The following LRCH1 variants were observed in gnomAD, a reference collection of about 807,000 sequenced individuals.
The protein encoded by LRCH1 is leucine rich repeats and calponin homology domain containing 1.
In LRCH1, 23 loss-of-function variants were observed where a neutral mutation model predicts 94.9. The observed-to-expected ratio is 0.24, with a 90% CI of 0.17 to 0.34. The LOEUF (loss-of-function observed/expected upper bound fraction) is 0.34, where lower values mean the gene tolerates loss of function less well. Among genes scored for constraint, LRCH1 ranks in the 10% least tolerant of loss-of-function variants. LRCH1 has a pLI of 1.00. For synonymous variants in LRCH1, 364 were observed against 354.9 expected (o/e 1.03, Z -0.29); for missense variants, 790 against 945.9 (o/e 0.84, Z 2.16).
chr13:46,600,005 C>T (rs1302235750), intron 1 of LRCH1, among the ~76,000 whole-genome samples: 1 of 152,228 alleles, frequency 6.6e-6, no homozygotes, highest in African/African-American at 2.4e-5. Flanking sequence ...TTAAAAATAG[C>T]TTACTTAAAA....
Position 46,604,047 on chromosome 13 carries a change from G to C in LRCH1, c.308-46154G>C, listed in dbSNP as rs527740540. Among the ~76,000 whole-genome samples, 6 of 152,318 alleles carry C rather than the reference G, an allele frequency of 3.9e-5. No homozygotes were observed. The South Asian group carries it at 1.2e-3, about 32-fold the overall frequency. On this transcript the variant is annotated intron_variant, in intron 1 of 19. Transcript: ENST00000389797. ...ATTTTTCTCCTTGTATTATAGAATA[G>C]TTTGGAGGAGTATTGAAAGAATTAG...
rs1310641873 is a variant in LRCH1, at chr13:46,711,862, T to G, written c.1581+18T>G. On this transcript the variant is annotated intron_variant, in intron 14 of 19. Transcript: ENST00000389797. The stretch of plus-strand genomic sequence containing the variant: ...CAAATGAGGTAAGTTTCTTGAAGAT[T>G]AATGGAAGGTGAGGTGTTTCTTGAT... 6.3e-7 allele frequency: 1 copy of G among 1,598,106 alleles called. No individual in the cohort carries two copies. The highest frequency in any genetic ancestry group is 1.1e-5 in the South Asian group (1 of 90,642).
At chr13:46,677,049 G>A (rs9590976) in intron 3 of LRCH1, among the ~76,000 whole-genome samples, 25,190 of 151,968 alleles carry the variant, frequency 0.17, 2,216 homozygotes, top group East Asian at 0.27. Context: ...CAAAGTGCTG[G>A]GAATATAGGC....
chr13:46,694,492 T>A (rs1871071659), intron 8 of LRCH1, among the ~76,000 whole-genome samples: 1 of 152,238 alleles, frequency 6.6e-6, no homozygotes, highest in Admixed American at 6.5e-5. Context: ...GATTTTTTAA[T>A]CCCTAAAATG....
chr13:46,626,368 A>G (rs1031459491), intron 1 of LRCH1, among the ~76,000 whole-genome samples: 1 of 152,170 alleles, frequency 6.6e-6, no homozygotes. Flanking sequence ...AAGATCCACA[A>G]GAGAAGTAAA....
downstream of LRCH1, among the ~76,000 whole-genome samples, chr13:46,747,034 A>G (rs1873938584): frequency 2.6e-5 from 4 of 152,258 alleles, no homozygotes; most frequent in South Asian, 8.3e-4. Flanking sequence ...GTCTTCTTAC[A>G]TCCCTCCAAC....
At chr13:46,567,598 T>C (rs1240822479) in intron 1 of LRCH1, among the ~76,000 whole-genome samples, 1 of 152,056 alleles carries the variant, frequency 6.6e-6, no homozygotes, top group Admixed American at 6.5e-5. Flanking sequence ...CCATCGGTTA[T>C]AGGCTTGTAA....
intron 19 of LRCH1, among the ~76,000 whole-genome samples, chr13:46,740,016 T>G (rs900072042): frequency 6.6e-6 from 1 of 152,230 alleles, no homozygotes; most frequent in Non-Finnish European, 1.5e-5. Flanking sequence ...CATCTGCTTT[T>G]AACATGAAAA....
At chr13:46,587,032 C>T (rs942652293) in intron 1 of LRCH1, among the ~76,000 whole-genome samples, 4 of 152,064 alleles carry the variant, frequency 2.6e-5, no homozygotes, top group Non-Finnish European at 4.4e-5. Flanking sequence ...CTGGAGATGC[C>T]GTGTGGTTTG....
chr13:46,615,556 G>C (rs2050797899), intron 1 of LRCH1, among the ~76,000 whole-genome samples: 1 of 152,166 alleles, frequency 6.6e-6, no homozygotes, highest in Admixed American at 6.5e-5. Context: ...GGCATAAGAT[G>C]CAACTCTAGG....
At chr13:46,647,112 C>CAAAAAAAA (rs61648661) in intron 1 of LRCH1, among the ~76,000 whole-genome samples, 1 of 84,476 alleles carries the variant, frequency 1.2e-5, no homozygotes. Flanking sequence ...GACTCCAACT[C>CAAAAAAAA]AAAAAAAAAA....
chr13:46,595,443 C>T (rs1449470522), intron 1 of LRCH1, among the ~76,000 whole-genome samples: 1 of 152,168 alleles, frequency 6.6e-6, no homozygotes, highest in East Asian at 1.9e-4. Context: ...GGTAGGAAAG[C>T]AGGCAGGGCA....
At chr13:46,579,737 A>G (rs1421011370) in intron 1 of LRCH1, among the ~76,000 whole-genome samples, 2 of 152,224 alleles carry the variant, frequency 1.3e-5, no homozygotes, top group Non-Finnish European at 2.9e-5. Flanking sequence ...ATGGGAAGGC[A>G]TCTGATTACT....
intron 9 of LRCH1, among the ~76,000 whole-genome samples, chr13:46,696,763 A>G (rs984725275): frequency 6.6e-6 from 1 of 152,198 alleles, no homozygotes; most frequent in African/African-American, 2.4e-5. Flanking sequence ...ATATCCATCA[A>G]CTTTAAGTCT....
At chr13:46,728,601 G>C (rs1872945378) in intron 17 of LRCH1, among the ~76,000 whole-genome samples, 1 of 152,208 alleles carries the variant, frequency 6.6e-6, no homozygotes, top group South Asian at 2.1e-4. Flanking sequence ...CACGCTCAAA[G>C]AGTGATTCCA....
At position 46,637,049 on chromosome 13, in the gene LRCH1, C is replaced by G. The variant is rs373970755; in HGVS notation, c.308-13152C>G. On this transcript the variant is annotated intron_variant, in intron 1 of 19. Coordinates refer to ENST00000389797, the MANE Select transcript of LRCH1 (RefSeq NM_001164211.2). ...TTTGCATCTCCAGAATGACTCTTGA[C>G]CTGCCCCCCAATATCTGCCATAGGC... 1.2e-4 allele frequency among the ~76,000 whole-genome samples: 18 copies of G among 152,308 alleles called. No individual in the cohort carries two copies. The East Asian group carries it at 3.3e-3, about 28-fold the overall frequency.
chr13:46,720,715 TAAAAG>T (rs1175496196), intron 16 of LRCH1, among the ~76,000 whole-genome samples: 1 of 152,146 alleles, frequency 6.6e-6, no homozygotes, highest in African/African-American at 2.4e-5. Context: ...AAATAGGAAT[TAAAAG>T]AAAAGAAAAA....
chr13:46,718,685 C>G (rs1337681368), intron 16 of LRCH1, among the ~76,000 whole-genome samples: 2 of 152,166 alleles, frequency 1.3e-5, no homozygotes, highest in Non-Finnish European at 2.9e-5. Context: ...AATGAATCAG[C>G]TAGTGAGAGT....
chr13:46,680,088 A>G (rs2051731258), intron 3 of LRCH1: 1 of 152,200 alleles, frequency 6.6e-6, no homozygotes, highest in Non-Finnish European at 1.5e-5. Context: ...TCCAGGTTCA[A>G]AAGTAAAGCG....
Sources: allele counts gnomAD v4.1 joint callset (sites outside exome capture counted in the v4.1 genomes callset), GRCh38; gene constraint gnomAD v4.1.1; transcripts MANE v1.5; gene names NCBI Gene and HGNC (gene_info 2026-07-23, HGNC 2026-07-21).